UGT1A10: variants seen among roughly 807,000 people sequenced by gnomAD.
UGT1A10 encodes UDP-glucuronosyltransferase 1A10.
In UGT1A10, 49 loss-of-function variants were observed where a neutral mutation model predicts 45.8. The ratio of observed to expected loss-of-function variants is 1.07; its 90% CI spans 0.85 to 1.36. UGT1A10 has a LOEUF of 1.36. Among genes scored for constraint, UGT1A10 ranks in the 40% most tolerant of loss-of-function variants. UGT1A10 has a pLI of 0.00. For synonymous variants in UGT1A10, 284 were observed against 249.7 expected, an observed-to-expected ratio of 1.14 and a Z score of -1.29; for missense variants, 745 against 668.6, an observed-to-expected ratio of 1.11 and a Z score of -1.26.
chr2:233,754,938 G>A lies in UGT1A10; in HGVS notation c.856-12096G>A, dbSNP rs1338582901. ...CAGCGGGTTTCCCAAGAGGTCAAAG[G>A]AGAATGGGTCCCGGCCGCCAAAGAA... On this transcript the variant is annotated intron_variant, in intron 1 of 4. Coordinates refer to ENST00000344644, the MANE Select transcript of UGT1A10 (RefSeq NM_019075.4). 4 of 1,337,850 alleles carry A rather than the reference G, an allele frequency of 3.0e-6. No individual in the cohort carries two copies. The South Asian group carries it at 4.6e-5, about 15-fold the overall frequency. The allele number at this position is 1,337,850 out of a possible 1,614,324, so 82.9% of individuals were successfully genotyped here.
chr2:233,640,317 T>C (rs916323386), intron 1 of UGT1A10, among the ~76,000 whole-genome samples: 3 of 152,212 alleles, frequency 2.0e-5, no homozygotes, highest in African/African-American at 7.2e-5. Flanking sequence ...TATTCTGACC[T>C]TTTAAAGAAA....
intron 1 of UGT1A10, chr2:233,755,366 T>A (rs938544322): frequency 6.9e-5 from 25 of 362,910 alleles, no homozygotes; most frequent in African/African-American, 5.3e-4. Flanking sequence ...CTGGGCCGCC[T>A]GGAGGGCCGC....
chr2:233,750,998 C>T (rs1414684238), intron 1 of UGT1A10, among the ~76,000 whole-genome samples: 1 of 151,782 alleles, frequency 6.6e-6, no homozygotes, highest in African/African-American at 2.4e-5. Context: ...GGCCACCATC[C>T]TCCAGAATCC....
intron 1 of UGT1A10, chr2:233,719,434 T>A: frequency 1.9e-6 from 3 of 1,613,970 alleles, no homozygotes; most frequent in Non-Finnish European, 2.5e-6. Flanking sequence ...TCAGACCACA[T>A]GACATTCCTG....
chr2:233,658,443 C>T (rs2073901012), intron 1 of UGT1A10, among the ~76,000 whole-genome samples: 1 of 152,120 alleles, frequency 6.6e-6, no homozygotes, highest in African/African-American at 2.4e-5. Flanking sequence ...ACCTAATGTC[C>T]TTTTTCATTT....
chr2:233,747,435 T>G, intron 1 of UGT1A10: 1 of 1,608,866 alleles, frequency 6.2e-7, no homozygotes, highest in Non-Finnish European at 8.5e-7. Context: ...AGAGAAATTT[T>G]TCACCCTGAC....
At chr2:233,680,556 A>G (rs1014960787) in intron 1 of UGT1A10, among the ~76,000 whole-genome samples, 2 of 152,154 alleles carry the variant, frequency 1.3e-5, no homozygotes, top group African/African-American at 4.8e-5. Context: ...AATGCTCCTC[A>G]GTGTGTTGCC....
intron 1 of UGT1A10, among the ~76,000 whole-genome samples, chr2:233,726,193 G>A (rs2077515288): frequency 6.6e-6 from 1 of 152,108 alleles, no homozygotes; most frequent in Admixed American, 6.5e-5. Flanking sequence ...TTTGGCATAT[G>A]GAAATCTTGT....
At chr2:233,682,250 GCATTTTCTCTATTAA>G (rs781556867) in intron 1 of UGT1A10, 1 of 1,614,148 alleles carries the variant, frequency 6.2e-7, no homozygotes, top group Non-Finnish European at 8.5e-7. Context: ...ATTGCGAAGT[GCATTTTCTCTATTAA>G]CAAGTTCATC....
At chr2:233,760,401 C>T (rs2125983506) in intron 1 of UGT1A10, 1 of 1,614,220 alleles carries the variant, frequency 6.2e-7, no homozygotes, top group Non-Finnish European at 8.5e-7. Flanking sequence ...TGGATGGCAG[C>T]CACTGGCTGA....
chr2:233,733,177 G>T (rs2078363766), intron 1 of UGT1A10, among the ~76,000 whole-genome samples: 1 of 152,226 alleles, frequency 6.6e-6, no homozygotes, highest in Non-Finnish European at 1.5e-5. Flanking sequence ...GGACTTTGCT[G>T]AAGTTGCTTA....
At chr2:233,728,383 G>T (rs2077708725) in intron 1 of UGT1A10, among the ~76,000 whole-genome samples, 1 of 152,140 alleles carries the variant, frequency 6.6e-6, no homozygotes, top group Admixed American at 6.5e-5. Context: ...GTCTTTGCTA[G>T]GGTTGTCTTG....
chr2:233,760,348 G>A (rs759212811), intron 1 of UGT1A10: 2 of 1,613,950 alleles, frequency 1.2e-6, no homozygotes, highest in Admixed American at 1.7e-5. Flanking sequence ...GTGTGTGCTG[G>A]GCCCAGTGGT....
chr2:233,707,630 ATCCC>A (rs2075978386), intron 1 of UGT1A10, among the ~76,000 whole-genome samples: 1 of 151,038 alleles, frequency 6.6e-6, no homozygotes, highest in Non-Finnish European at 1.5e-5. Flanking sequence ...TACTGAATAT[ATCCC>A]ATTGTATGAA....
intron 1 of UGT1A10, among the ~76,000 whole-genome samples, chr2:233,680,971 A>C (rs1156582605): frequency 6.6e-6 from 1 of 152,056 alleles, no homozygotes; most frequent in Non-Finnish European, 1.5e-5. Context: ...GGAAGGGTCC[A>C]TGGAGGCAGG....
At chr2:233,746,331 A>G (rs1482608381) in intron 1 of UGT1A10, among the ~76,000 whole-genome samples, 1 of 151,784 alleles carries the variant, frequency 6.6e-6, no homozygotes, top group Non-Finnish European at 1.5e-5. Context: ...TCTACAGGGC[A>G]ATGGACATGT....
Position 233,769,784 on chromosome 2 carries a change from G to A in UGT1A10, c.1295+1345G>A. 3 of 1,312,290 alleles carry A rather than the reference G, an allele frequency of 2.3e-6. No individual in the cohort carries two copies. The highest frequency in any genetic ancestry group is 3.0e-6 in the Non-Finnish European group (3 of 1,000,230). 81.3% of individuals were successfully genotyped at this position (1,312,290 alleles called of 1,614,324 possible). The stretch of plus-strand genomic sequence containing the variant: ...GCGGGAGGATTGCTTGAGCCCAGAA[G>A]TTGGAGGCTGCTATGAGCCGTGATC... On this transcript the variant is annotated intron_variant, in intron 4 of 4. Coordinates refer to ENST00000344644, the MANE Select transcript of UGT1A10 (RefSeq NM_019075.4). This position sits in a 1 kb window ranked among gnomAD's most constrained non-coding sequence, Gnocchi z 4.4.
intron 1 of UGT1A10, chr2:233,754,324 G>A (rs1695452897): frequency 4.1e-6 from 1 of 246,506 alleles, no homozygotes; most frequent in South Asian, 5.3e-5. Context: ...TCTGCCTCAG[G>A]CTTAAGTTTA....
intron 1 of UGT1A10, among the ~76,000 whole-genome samples, chr2:233,681,700 G>C (rs182095146): frequency 1.2e-4 from 18 of 152,208 alleles, no homozygotes; most frequent in African/African-American, 3.9e-4. Flanking sequence ...GGCATGATCT[G>C]TCCCCAAGGC....
Sources: gnomAD v4.1 joint callset for allele counts (sites outside exome capture counted in the v4.1 genomes callset) on GRCh38, gnomAD v4.1.1 for gene constraint, Gnocchi (gnomAD v3.1) non-coding constraint, MANE v1.5 for transcripts, NCBI Gene and HGNC (gene_info 2026-07-23, HGNC 2026-07-21) for gene names.